The following MGAM variants were observed in gnomAD, a reference collection of about 807,000 sequenced individuals.
The protein encoded by MGAM is alpha-1,4-glucosidase.
MGAM carries 253 observed loss-of-function variants against 358.8 expected under a neutral mutation model. The ratio of observed to expected loss-of-function variants is 0.71; its 90% CI spans 0.64 to 0.78. The LOEUF (loss-of-function observed/expected upper bound fraction) is 0.78. Ranked by LOEUF, MGAM falls within the 30% of genes least tolerant of loss-of-function variation. The probability of loss-of-function intolerance (pLI) is 0.00; values close to 1 mark genes in which losing one functional copy is unlikely to be tolerated. For synonymous variants in MGAM, 1,105 were observed against 1,227.1 expected, an observed-to-expected ratio of 0.90 and a Z score of 2.08; for missense variants, 3,080 against 3,432.6, an observed-to-expected ratio of 0.90 and a Z score of 2.57.
chr7:142,083,005 C>T lies in MGAM; in HGVS notation c.6269-296C>T, dbSNP rs1469412785. 1.4e-5 allele frequency among the ~76,000 whole-genome samples: 2 copies of T among 145,980 alleles called. 1 individual carries two copies. On this transcript the variant is annotated intron_variant, in intron 52 of 70. Coordinates refer to ENST00000475668, the MANE Select transcript of MGAM (RefSeq NM_001365693.1). Reference sequence around the variant, plus strand: ...CCAAACTTCAGCATCGTGCAATATTCCCATGTAACAAATGTGAACATGTAC... The same window carrying T: ...CCAAACTTCAGCATCGTGCAATATTTCCATGTAACAAATGTGAACATGTAC...
rs1554465744 is a variant in MGAM, at chr7:142,036,197, T to C, written c.1988T>C (p.Leu663Ser). 1 of 1,612,280 alleles carries C rather than the reference T, an allele frequency of 6.2e-7. No individual in the cohort carries two copies. Among genetic ancestry groups the C allele is most frequent in the East Asian group, 2.2e-5 (1 of 44,748 alleles). ...MVGPDICGFA[L>S]DTPEELCRRW... The stretch of plus-strand genomic sequence containing the variant: ...GGTCCTGACATATGTGGCTTTGCTT[T>C]GGACACCCCTGAGGAGCTCTGTAGG... Residue 663 changes from leucine to serine, a missense_variant, in exon 17 of 71, where the codon TTG becomes TCG. This residue lies in a region of MGAM where 1,816 missense variants were observed against 1,840.5 expected (regional missense o/e 0.99). Coordinates refer to ENST00000475668, the MANE Select transcript of MGAM (RefSeq NM_001365693.1).
intron 3 of MGAM, among the ~76,000 whole-genome samples, chr7:142,012,505 T>A (rs1030960776): frequency 3.3e-5 from 5 of 152,176 alleles, no homozygotes; most frequent in Non-Finnish European, 7.4e-5. Context: ...AGGGGGCACA[T>A]TCCAGCCAAA....
In MGAM at chr7:142,047,882, T is replaced by G; in HGVS notation, c.2587+9T>G. On this transcript the variant is annotated intron_variant, in intron 22 of 70. Coordinates refer to ENST00000475668, the MANE Select transcript of MGAM (RefSeq NM_001365693.1). ...TAATGGGGAAACGAAGGGTGAGCAC[T>G]TATACGATAATGTTGCTGTTTCCCA... 3 of 1,585,438 alleles carry G rather than the reference T, an allele frequency of 1.9e-6. No homozygotes were observed. The highest frequency in any genetic ancestry group is 1.1e-5 in the South Asian group (1 of 90,206).
intron 34 of MGAM, among the ~76,000 whole-genome samples, chr7:142,061,065 C>G (rs990035241): frequency 6.6e-6 from 1 of 152,100 alleles, no homozygotes; most frequent in Non-Finnish European, 1.5e-5. Context: ...TGGCTCCTTA[C>G]AGGAGAGTGG....
chr7:142,003,394 G>A (rs1285512957), intron 1 of MGAM, among the ~76,000 whole-genome samples: 1 of 151,944 alleles, frequency 6.6e-6, no homozygotes, highest in Non-Finnish European at 1.5e-5. Context: ...GAAAAGAATA[G>A]AGAACTCAGA....
intron 10 of MGAM, among the ~76,000 whole-genome samples, chr7:142,029,571 G>T (rs1186441350): frequency 2.6e-5 from 4 of 152,190 alleles, no homozygotes; most frequent in Admixed American, 2.6e-4. Context: ...TGTGAGATGT[G>T]AGAGGGAGTG....
chr7:142,102,058 T>A (rs1816493487), intron 68 of MGAM, among the ~76,000 whole-genome samples: 2 of 152,190 alleles, frequency 1.3e-5, no homozygotes, highest in South Asian at 4.1e-4. Context: ...TCACCGGCTG[T>A]GCTGAACTTC....
At chr7:142,098,180 G>T (rs1816116379) in intron 66 of MGAM, among the ~76,000 whole-genome samples, 1 of 151,422 alleles carries the variant, frequency 6.6e-6, no homozygotes, top group Non-Finnish European at 1.5e-5. Flanking sequence ...CCCAACCCTT[G>T]TGAGTCTAAG....
At chr7:142,060,439 T>A (rs530382817) in intron 34 of MGAM, 66 bp downstream of exon 34, 108 of 1,556,484 alleles carry the variant, frequency 6.9e-5, no homozygotes, top group East Asian at 2.2e-4. Flanking sequence ...GTTCCTGGGA[T>A]TGTGGACATG....
chr7:142,088,405 A>G lies in MGAM; in HGVS notation c.6810+1688A>G, dbSNP rs773441560. 1.3e-4 allele frequency among the ~76,000 whole-genome samples: 18 copies of G among 143,516 alleles called. 3 individuals are homozygous for G. The highest frequency in any genetic ancestry group is 9.8e-4 in the Admixed American group (14 of 14,230). 94.2% of individuals were successfully genotyped at this position (143,516 alleles called of 152,430 possible). The stretch of plus-strand genomic sequence containing the variant: ...TATGTCTACTACTGAACAAGTATCT[A>G]TCTATCTATCTATGTATATCCATGT... On this transcript the variant is annotated intron_variant, in intron 57 of 70. Transcript: ENST00000475668.
chr7:142,073,016 G>A lies in MGAM; in HGVS notation c.5187-1069G>A, dbSNP rs11560310. ...CAAGAACATTTTAGCAGGAATATAT[G>A]TTATAATTTATCTAGGATCAGGTAA... is the stretch of plus-strand genomic sequence containing the variant. On this transcript the variant is annotated intron_variant, in intron 44 of 70. Transcript: ENST00000475668. Among the ~76,000 whole-genome samples, 1,183 of 146,170 alleles carry A rather than the reference G, an allele frequency of 8.1e-3. 138 individuals carry two copies. In the South Asian group the frequency reaches 0.093, roughly 12 times the overall value.
intron 49 of MGAM, 39 bp from the exon 50 acceptor site, chr7:142,080,752 A>G (rs758329675): frequency 1.3e-6 from 2 of 1,509,458 alleles, no homozygotes; most frequent in African/African-American, 1.3e-5. Context: ...AGGTTTCAAG[A>G]GTAGTATTCT....
Position 142,071,038 on chromosome 7 carries a change from C to T in MGAM, c.5106C>T (p.Ala1702=), listed in dbSNP as rs1162607389. Residue 1702 remains alanine (A), a synonymous_variant, in exon 44 of 71, where the codon GCC becomes GCT. Coordinates refer to ENST00000475668, the MANE Select transcript of MGAM (RefSeq NM_001365693.1). ...GAGGAGAGTGGAAGACCTTGCCAGC[C>T]CCTCTTGACCACATTAATCTTCATG... The part of the protein sequence containing the change: ...NARGEWKTLP[A]PLDHINLHVR... 1.3e-6 allele frequency: 2 copies of T among 1,556,318 alleles called. No individual in the cohort carries two copies. The highest frequency in any genetic ancestry group is 1.7e-5 in the Admixed American group (1 of 58,484).
rs1401657202 is a variant in MGAM at position 142,081,900 on chromosome 7, A to G, written c.6003-142A>G. On this transcript the variant is annotated intron_variant, in intron 50 of 70. Coordinates refer to ENST00000475668, the MANE Select transcript of MGAM (RefSeq NM_001365693.1). ...TAGTGGGGATATCTATGATATTTTA[A>G]TCAAATTGAGTTTCAGTTTTGTTTG... The G allele has an allele frequency of 2.8e-5, 25 of 882,940 alleles. 4 individuals carry two copies. The highest frequency in any genetic ancestry group is 4.4e-5 in the Non-Finnish European group (25 of 565,612). The allele number at this position is 882,940 out of a possible 1,614,324, so 54.7% of individuals were successfully genotyped here. A position where few individuals can be genotyped will look rare whatever the true frequency, so the allele number is the denominator to read the frequency against.
chr7:142,044,199 AAT>A (rs1348446209), intron 21 of MGAM, among the ~76,000 whole-genome samples: 44 of 129,720 alleles, frequency 3.4e-4, no homozygotes, highest in African/African-American at 1.2e-3. Context: ...TATAATATAT[AAT>A]ATATACATTA....
chr7:142,046,013 G>GTTATATATATTATA (rs1563160101), intron 21 of MGAM, among the ~76,000 whole-genome samples: 20 of 34,974 alleles, frequency 5.7e-4, no homozygotes, highest in Non-Finnish European at 1.4e-3. Context: ...TATATATTAT[G>GTTATATATATTATA]TATACATACA....
chr7:142,082,341 G>C lies in MGAM; in HGVS notation c.6171+131G>C, dbSNP rs1334141904. The C allele has an allele frequency of 1.7e-5, 22 of 1,290,648 alleles. 3 individuals are homozygous for C. The highest frequency in any genetic ancestry group is 2.2e-5 in the Non-Finnish European group (20 of 928,552). 79.9% of individuals were successfully genotyped at this position (1,290,648 alleles called of 1,614,324 possible). ...TTTAGGCGAGTGGGCCAATTCTCAGGCTCCTTTGTTTCATGTGTTTAATTG... is the reference window on the plus strand; with the variant it reads ...TTTAGGCGAGTGGGCCAATTCTCAGCCTCCTTTGTTTCATGTGTTTAATTG... On this transcript the variant is annotated intron_variant, in intron 51 of 70. Coordinates refer to ENST00000475668, the MANE Select transcript of MGAM (RefSeq NM_001365693.1).
intron 2 of MGAM, among the ~76,000 whole-genome samples, chr7:142,008,290 AGGGAGTT>A (rs1281094428): frequency 6.6e-6 from 1 of 152,164 alleles, no homozygotes; most frequent in South Asian, 2.1e-4. Context: ...CTTGTAGGGG[AGGGAGTT>A]GGGAGTAGAA....
chr7:142,045,258 AAT>A (rs1225779271), intron 21 of MGAM, among the ~76,000 whole-genome samples: 1 of 102,062 alleles, frequency 9.8e-6, no homozygotes, highest in African/African-American at 4.3e-5. Flanking sequence ...TATGATATAT[AAT>A]ATATATTATA....
Sources: gnomAD v4.1 joint callset for allele counts (sites outside exome capture counted in the v4.1 genomes callset) on GRCh38, gnomAD v4.1.1 for gene constraint, gnomAD v4.1.1 regional missense constraint, MANE v1.5 for transcripts, NCBI Gene and HGNC (gene_info 2026-07-23, HGNC 2026-07-21) for gene names.